Variants in DACH1 observed in about 807,000 individuals in gnomAD.
DACH1 encodes the protein dachshund homolog 1.
DACH1 carries 12 observed loss-of-function variants against 54.2 expected under a neutral mutation model. The observed-to-expected ratio is 0.22, with a 90% CI of 0.14 to 0.36. The LOEUF (loss-of-function observed/expected upper bound fraction) is 0.36. Ranked by LOEUF, DACH1 falls within the 10% of genes least tolerant of loss-of-function variation. DACH1 has a pLI of 1.00. For missense variants in DACH1, 805 were observed against 929.8 expected (o/e 0.87, Z 1.75); for synonymous variants, 386 against 366.2 (o/e 1.05, Z -0.62).
intron 10 of DACH1, among the ~76,000 whole-genome samples, chr13:71,453,318 A>G (rs967912059): frequency 5.0e-4 from 76 of 152,194 alleles, no homozygotes; most frequent in African/African-American, 1.8e-3. Context: ...ATATTATCTA[A>G]TATACTTAAT....
At chr13:71,552,834 TATATATATAGAG>T (rs1177895747) in intron 6 of DACH1, among the ~76,000 whole-genome samples, 57 of 33,100 alleles carry the variant, frequency 1.7e-3, no homozygotes, top group East Asian at 4.4e-3. Flanking sequence ...TATATATATA[TATATATATAGAG>T]AGAGAGAGAG....
chr13:71,459,699 A>G (rs1875904058), intron 10 of DACH1, among the ~76,000 whole-genome samples: 1 of 151,888 alleles, frequency 6.6e-6, no homozygotes, highest in African/African-American at 2.4e-5. Context: ...TCACATTGCT[A>G]ACTCATTTTA....
intron 2 of DACH1, among the ~76,000 whole-genome samples, chr13:71,681,286 G>C (rs1400772841): frequency 6.6e-6 from 1 of 152,116 alleles, no homozygotes; most frequent in Admixed American, 6.5e-5. Flanking sequence ...CAAAATTCTA[G>C]AAATAAACAT....
intron 1 of DACH1, among the ~76,000 whole-genome samples, chr13:71,710,905 A>G (rs1330092100): frequency 1.3e-5 from 2 of 152,210 alleles, no homozygotes; most frequent in South Asian, 2.1e-4. Context: ...GGTAAATTTT[A>G]GAAAAATTAA....
intron 6 of DACH1, among the ~76,000 whole-genome samples, chr13:71,528,666 G>C (rs1304339940): frequency 1.3e-5 from 2 of 151,738 alleles, no homozygotes; most frequent in Non-Finnish European, 2.9e-5. Flanking sequence ...TCCTGACCTC[G>C]TGATCCACCG....
At chr13:71,769,262 A>C (rs1885757851) in intron 1 of DACH1, among the ~76,000 whole-genome samples, 1 of 151,576 alleles carries the variant, frequency 6.6e-6, no homozygotes, top group Non-Finnish European at 1.5e-5. Flanking sequence ...TTTTTTCTTA[A>C]CCACATTAAA....
intron 3 of DACH1, among the ~76,000 whole-genome samples, chr13:71,615,235 T>G (rs1237898154): frequency 6.6e-6 from 1 of 152,204 alleles, no homozygotes; most frequent in African/African-American, 2.4e-5. Context: ...GTCAAACTTC[T>G]TTTCAATTCA....
At chr13:71,463,185 C>T (rs1174827045) in intron 10 of DACH1, among the ~76,000 whole-genome samples, 1 of 151,724 alleles carries the variant, frequency 6.6e-6, no homozygotes, top group African/African-American at 2.4e-5. Flanking sequence ...AATACATTAT[C>T]GATATTAGTA....
chr13:71,788,436 C>CAT (rs922859831), intron 1 of DACH1, among the ~76,000 whole-genome samples: 3 of 151,806 alleles, frequency 2.0e-5, no homozygotes, highest in Non-Finnish European at 4.4e-5. Flanking sequence ...TGTGTATGTC[C>CAT]ATATATATAC....
At chr13:71,465,063 T>A (rs1876442956) in intron 10 of DACH1, among the ~76,000 whole-genome samples, 1 of 152,076 alleles carries the variant, frequency 6.6e-6, no homozygotes, top group South Asian at 2.1e-4. Flanking sequence ...AACATTATTG[T>A]GGCATGTCTG....
intron 1 of DACH1, among the ~76,000 whole-genome samples, chr13:71,691,542 A>G (rs1009779003): frequency 3.0e-4 from 46 of 151,488 alleles, no homozygotes; most frequent in African/African-American, 1.1e-3. Context: ...ATCTGGCTTC[A>G]GATGCCAAGC....
intron 1 of DACH1, among the ~76,000 whole-genome samples, chr13:71,829,460 T>C (rs911597009): frequency 3.3e-5 from 5 of 151,984 alleles, no homozygotes; most frequent in Non-Finnish European, 5.9e-5. Flanking sequence ...AAGTACGTAC[T>C]GGGAATAAAA....
chr13:71,757,100 C>T (rs528644326), intron 1 of DACH1, among the ~76,000 whole-genome samples: 3 of 152,206 alleles, frequency 2.0e-5, no homozygotes, highest in Admixed American at 6.5e-5. Flanking sequence ...TTTGAAAGGG[C>T]TTATTATTGA....
chr13:71,559,920 A>G lies in DACH1; in HGVS notation c.1335T>C (p.Ser445=), dbSNP rs1303264904. The change falls in exon 5 of 11, where the codon TCT becomes TCC. Residue 445 remains serine, a synonymous_variant. Transcript: ENST00000613252. ...RVPDSPSPAP[S]LEEGRRPGSH... ...TGCCAGGCCTTCTCCCCTCCTCCAG[A>G]GAGGGGGCAGGTGAGGGGCTATCAG... 2.5e-6 allele frequency: 4 copies of G among 1,605,082 alleles called. No individual in the cohort carries two copies. Among genetic ancestry groups the G allele is most frequent in the Non-Finnish European group, 3.4e-6 (4 of 1,175,800 alleles).
chr13:71,547,465 AT>A (rs1883532979), intron 6 of DACH1, among the ~76,000 whole-genome samples: 1 of 152,118 alleles, frequency 6.6e-6, no homozygotes, highest in Non-Finnish European at 1.5e-5. Flanking sequence ...TACTTGTTTA[AT>A]ATTCTGAAAC....
chr13:71,464,222 T>C (rs1443221532), intron 10 of DACH1, among the ~76,000 whole-genome samples: 1 of 151,944 alleles, frequency 6.6e-6, no homozygotes, highest in African/African-American at 2.4e-5. Flanking sequence ...AATAACATTG[T>C]CATTAAAAAA....
intron 6 of DACH1, among the ~76,000 whole-genome samples, chr13:71,496,636 T>C (rs1386086955): frequency 1.3e-5 from 2 of 151,834 alleles, no homozygotes; most frequent in Non-Finnish European, 1.5e-5. Flanking sequence ...GTAATGGATA[T>C]CCAAAACCCT....
intron 1 of DACH1, among the ~76,000 whole-genome samples, chr13:71,848,065 T>C (rs549256681): frequency 1.3e-5 from 2 of 152,086 alleles, no homozygotes; most frequent in Non-Finnish European, 2.9e-5. Flanking sequence ...TTTAAGAAAA[T>C]TCTGGAGACT....
chr13:71,791,805 A>G (rs563621718), intron 1 of DACH1, among the ~76,000 whole-genome samples: 1 of 152,354 alleles, frequency 6.6e-6, no homozygotes, highest in Admixed American at 6.5e-5. Context: ...TGACTGCCCA[A>G]CTACAACTTG....
Sources: allele counts gnomAD v4.1 joint callset (sites outside exome capture counted in the v4.1 genomes callset), GRCh38; gene constraint gnomAD v4.1.1; transcripts MANE v1.5; gene names NCBI Gene and HGNC (gene_info 2026-07-23, HGNC 2026-07-21).